The following PHTF1 variants were observed in gnomAD, a reference collection of about 807,000 sequenced individuals.
PHTF1 encodes putative homeodomain transcription factor 1.
In PHTF1, 88 loss-of-function variants were observed where a neutral mutation model predicts 102.4. The observed-to-expected ratio is 0.86, with a 90% CI of 0.72 to 1.03. The LOEUF (loss-of-function observed/expected upper bound fraction) is 1.03, where lower values mean the gene tolerates loss of function less well. Ranked by LOEUF, PHTF1 falls within the 50% of genes least tolerant of loss-of-function variation. The pLI is 0.00. For synonymous variants in PHTF1, 289 were observed against 305.2 expected (o/e 0.95, Z 0.55); for missense variants, 814 against 909.5 (o/e 0.89, Z 1.35).
At chr1:113,702,854 G>A (rs1183153474) in intron 15 of PHTF1, among the ~76,000 whole-genome samples, 1 of 152,098 alleles carries the variant, frequency 6.6e-6, no homozygotes, top group Middle Eastern at 3.2e-3. Flanking sequence ...CATTTTGTAG[G>A]GTCATGAAAG....
intron 7 of PHTF1, among the ~76,000 whole-genome samples, chr1:113,723,062 A>G (rs1004099626): frequency 2.0e-5 from 3 of 152,092 alleles, no homozygotes; most frequent in African/African-American, 7.2e-5. Flanking sequence ...CCTGACTTCA[A>G]ATTGTACTAC....
intron 3 of PHTF1, among the ~76,000 whole-genome samples, chr1:113,744,270 A>G (rs998373901): frequency 1.3e-5 from 2 of 152,224 alleles, no homozygotes; most frequent in African/African-American, 4.8e-5. Flanking sequence ...TGACAAATGA[A>G]GTCCCCACTT....
chr1:113,757,338 A>T (rs1659040385), intron 3 of PHTF1, among the ~76,000 whole-genome samples: 2 of 152,216 alleles, frequency 1.3e-5, no homozygotes, highest in African/African-American at 4.8e-5. Flanking sequence ...AAAATGCACA[A>T]TATATTTCAT....
chr1:113,699,317 T>C (rs898016927), intron 17 of PHTF1: 1 of 309,164 alleles, frequency 3.2e-6, no homozygotes, highest in Non-Finnish European at 6.2e-6. Context: ...GCCCCATGGA[T>C]GGTGCTGGCT....
chr1:113,734,638 T>C (rs1264418455), intron 5 of PHTF1, among the ~76,000 whole-genome samples: 1 of 152,230 alleles, frequency 6.6e-6, no homozygotes, highest in Non-Finnish European at 1.5e-5. Context: ...GAGAAATGAC[T>C]TAAAAGACAG....
rs61730007 is a variant in PHTF1 at position 113,713,353 on chromosome 1, G to A, written c.709C>T (p.Gln237Ter). Residue 237 changes from glutamine (Q) to a stop codon, truncating the protein, a stop_gained, in exon 8 of 19, where the codon CAA becomes TAA. Transcript: ENST00000369604. LOFTEE classifies it high-confidence loss of function. The part of the protein sequence containing the change: ...SCVHPIIKRR[Q>*]CRPEIRMWQT... ...CACATTCTAATCTCTGGTCGACATT[G>A]TCTCCTCTTAATGATAGGATGGACA... 1 of 1,611,620 alleles carries A rather than the reference G, an allele frequency of 6.2e-7. No homozygotes were observed. The highest frequency in any genetic ancestry group is 1.1e-5 in the South Asian group (1 of 91,026).
chr1:113,756,497 T>C (rs1006584375), intron 3 of PHTF1, among the ~76,000 whole-genome samples: 1 of 152,192 alleles, frequency 6.6e-6, no homozygotes, highest in African/African-American at 2.4e-5. Context: ...AGCTGGCATT[T>C]ATCAGCACTT....
chr1:113,707,962 C>CA (rs35068537), intron 11 of PHTF1, among the ~76,000 whole-genome samples: 97,415 of 151,936 alleles, frequency 0.64, 32,576 homozygotes, highest in African/African-American at 0.8. Flanking sequence ...CATAAGGGCC[C>CA]AGAGGCACAT....
chr1:113,737,756 G>A (rs1329736723), intron 5 of PHTF1, among the ~76,000 whole-genome samples: 1 of 152,066 alleles, frequency 6.6e-6, no homozygotes, highest in Non-Finnish European at 1.5e-5. Flanking sequence ...CTGTGATCAT[G>A]CCACTGCACT....
intron 7 of PHTF1, among the ~76,000 whole-genome samples, chr1:113,720,684 G>T (rs1652785661): frequency 6.6e-6 from 1 of 152,174 alleles, no homozygotes; most frequent in African/African-American, 2.4e-5. Flanking sequence ...AGCTATTGGT[G>T]GATCTACCAT....
At chr1:113,705,381 G>A (rs1408789078) in intron 13 of PHTF1, among the ~76,000 whole-genome samples, 4 of 152,098 alleles carry the variant, frequency 2.6e-5, no homozygotes, top group Non-Finnish European at 5.9e-5. Flanking sequence ...GTCAAGGCTG[G>A]AGTGAGCCGT....
At position 113,726,562 on chromosome 1, in the gene PHTF1, A is replaced by T. The variant is rs777464849; in HGVS notation, c.344T>A (p.Val115Asp). Residue 115 changes from valine (V) to aspartate (D), a missense_variant, in exon 6 of 19, where the codon GTC becomes GAC. Transcript: ENST00000369604. The part of the protein sequence containing the change: ...LLYFMQVIAI[V>D]LYLMMPIVNI... ...CACAATAGGCATCATCAAATATAAG[A>T]CAATTGCTATAACTGAAAAGAAGAG... is the stretch of plus-strand genomic sequence containing the variant. 7 of 1,579,986 alleles carry T rather than the reference A, an allele frequency of 4.4e-6. No individual in the cohort carries two copies. In the South Asian group the frequency reaches 8.2e-5, roughly 19 times the overall value.
intron 3 of PHTF1, among the ~76,000 whole-genome samples, chr1:113,741,877 C>T (rs1325569632): frequency 6.6e-6 from 1 of 152,026 alleles, no homozygotes. Context: ...CCTAAAGGGA[C>T]AGAAATCATT....
In PHTF1 at chr1:113,712,788, T is replaced by G. The variant is rs560962924; in HGVS notation, c.783+491A>C. ...TAAGGCTGGATAACTCACAAAATTT[T>G]TTTTTTTTTTTTTTTTGAGACGGAG... On this transcript the variant is annotated intron_variant, in intron 8 of 18. Coordinates refer to ENST00000369604, the MANE Select transcript of PHTF1 (RefSeq NM_001323043.2). 4.0e-4 allele frequency among the ~76,000 whole-genome samples: 37 copies of G among 92,570 alleles called. No homozygotes were observed. The East Asian group carries it at 8.5e-3, about 21-fold the overall frequency. 60.7% of individuals were successfully genotyped at this position (92,570 alleles called of 152,430 possible).
rs966076340 is a variant in PHTF1 at position 113,705,925 on chromosome 1, A to G, written c.1636T>C (p.Phe546Leu). The part of the protein sequence containing the change: ...ERLCLTWMFF[F>L]MMCVAERTYK... ...GTTCTCTCTGCCACACACATCATGA[A>G]AAAAAACATCCAAGTAAGACACAAT... The change falls in exon 13 of 19, where the codon TTC (phenylalanine) becomes CTC (leucine). Residue 546 changes from phenylalanine to leucine, a missense_variant. By Grantham distance (22) the Phe-to-Leu change is conservative. Coordinates refer to ENST00000369604, the MANE Select transcript of PHTF1 (RefSeq NM_001323043.2). 6.2e-7 allele frequency: 1 copy of G among 1,614,132 alleles called. No individual in the cohort carries two copies. The highest frequency in any genetic ancestry group is 8.5e-7 in the Non-Finnish European group (1 of 1,180,000).
chr1:113,738,224 G>A lies in PHTF1; in HGVS notation c.217C>T (p.Leu73=). 1 of 1,613,844 alleles carries A rather than the reference G, an allele frequency of 6.2e-7. No individual in the cohort carries two copies. The highest frequency in any genetic ancestry group is 8.5e-7 in the Non-Finnish European group (1 of 1,179,796). ...KAKPEIPWTS[L]TRKGLVRVVF... is the part of the protein sequence containing the mutation. ...ACTCGAACAAGCCCCTTCCGAGTCAGAGATGTCCATGGAATTTCAGGTTTT... is the reference window on the plus strand; with the variant it reads ...ACTCGAACAAGCCCCTTCCGAGTCAAAGATGTCCATGGAATTTCAGGTTTT... Residue 73 remains leucine, a synonymous_variant, in exon 5 of 19, where the codon CTG becomes TTG. Transcript: ENST00000369604.
intron 7 of PHTF1, among the ~76,000 whole-genome samples, chr1:113,721,016 G>C (rs558618574): frequency 1.3e-5 from 2 of 152,194 alleles, no homozygotes; most frequent in African/African-American, 2.4e-5. Flanking sequence ...TCACACACAA[G>C]AATCACTTGA....
chr1:113,706,199 TAGCTAAATGG>T, intron 12 of PHTF1, 37 bp from the exon 13 acceptor site: 1 of 1,538,916 alleles, frequency 6.5e-7, no homozygotes. Context: ...ATTATTGTGT[TAGCTAAATGG>T]AGTTACAAAG....
At chr1:113,741,430 C>T (rs1013458822) in intron 3 of PHTF1, among the ~76,000 whole-genome samples, 2 of 152,140 alleles carry the variant, frequency 1.3e-5, no homozygotes, top group Non-Finnish European at 2.9e-5. Context: ...GTACTATATT[C>T]AAAATCAGAA....
Sources: allele counts gnomAD v4.1 joint callset (sites outside exome capture counted in the v4.1 genomes callset), GRCh38; gene constraint gnomAD v4.1.1; transcripts MANE v1.5; gene names NCBI Gene and HGNC (gene_info 2026-07-23, HGNC 2026-07-21).